The following TAS2R1 variants were observed in gnomAD, a reference collection of about 807,000 sequenced individuals.
TAS2R1 encodes taste 2 receptor member 1.
For missense variants in TAS2R1, 370 were observed against 353.4 expected, an observed-to-expected ratio of 1.05 and a Z score of -0.38; for synonymous variants, 141 against 134.2, an observed-to-expected ratio of 1.05 and a Z score of -0.35.
At chr5:9,705,866 C>T (rs571536815) in intron 1 of TAS2R1, among the ~76,000 whole-genome samples, 8 of 151,894 alleles carry the variant, frequency 5.3e-5, no homozygotes, top group African/African-American at 1.4e-4. Context: ...CCATCCCCCC[C>T]CAAAAAAAGA....
At chr5:9,649,324 A>G (rs1740258188) in intron 2 of TAS2R1, among the ~76,000 whole-genome samples, 1 of 152,234 alleles carries the variant, frequency 6.6e-6, no homozygotes, top group African/African-American at 2.4e-5. Flanking sequence ...GTTATCTGCC[A>G]CTATTTCTTT....
chr5:9,783,826 G>A, the TAS2R1 span, among the ~76,000 whole-genome samples: 23 of 152,204 alleles, frequency 1.5e-4, no homozygotes, highest in Admixed American at 3.3e-4. Flanking sequence ...CTTGTGCACA[G>A]TTAATGGGTT....
At chr5:9,629,294 GA>G, downstream of TAS2R1, 1 of 1,613,560 alleles carries the variant, frequency 6.2e-7, no homozygotes, top group Non-Finnish European at 8.5e-7. Flanking sequence ...AGAGAAGAGA[GA>G]AAAACTTTTA....
chr5:9,799,893 A>G, the TAS2R1 span, among the ~76,000 whole-genome samples: 6 of 152,226 alleles, frequency 3.9e-5, no homozygotes, highest in African/African-American at 1.4e-4. Flanking sequence ...ATTTCAGTGG[A>G]AACGTTTTTC....
At chr5:9,672,307 C>G (rs554747991) in intron 1 of TAS2R1, among the ~76,000 whole-genome samples, 4 of 151,712 alleles carry the variant, frequency 2.6e-5, no homozygotes, top group Admixed American at 1.3e-4. Context: ...TAATTAAGAG[C>G]TTCCGCATAC....
At chr5:9,645,937 CTGAAGTGGGCT>C in intron 2 of TAS2R1, among the ~76,000 whole-genome samples, 1 of 152,274 alleles carries the variant, frequency 6.6e-6, no homozygotes, top group Middle Eastern at 3.4e-3. Flanking sequence ...TCAGTTGTTA[CTGAAGTGGGCT>C]TGAGACGGTT....
intron 1 of TAS2R1, among the ~76,000 whole-genome samples, chr5:9,704,284 G>C (rs746962649): frequency 6.6e-6 from 1 of 151,546 alleles, no homozygotes; most frequent in Non-Finnish European, 1.5e-5. Context: ...CCCTCAAAAA[G>C]TTACACCTCC....
the TAS2R1 span, among the ~76,000 whole-genome samples, chr5:9,772,334 A>AT: frequency 6.6e-6 from 1 of 151,912 alleles, no homozygotes; most frequent in Non-Finnish European, 1.5e-5. Flanking sequence ...CTTGTTATTG[A>AT]TTTGTAGCAT....
chr5:9,656,694 GT>G, intron 2 of TAS2R1, among the ~76,000 whole-genome samples: 1 of 152,178 alleles, frequency 6.6e-6, no homozygotes, highest in Admixed American at 6.5e-5. Context: ...CAGAAATAAT[GT>G]GTAACCAAAT....
chr5:9,746,577 T>C, the TAS2R1 span, among the ~76,000 whole-genome samples: 1 of 152,208 alleles, frequency 6.6e-6, no homozygotes, highest in South Asian at 2.1e-4. Flanking sequence ...CATGGAATAC[T>C]GTGCAGCCAT....
chr5:9,677,242 A>G (rs755155864), intron 1 of TAS2R1, among the ~76,000 whole-genome samples: 23 of 152,094 alleles, frequency 1.5e-4, no homozygotes, highest in Non-Finnish European at 2.8e-4. Context: ...ACAACACACA[A>G]TAACACCTAT....
At chr5:9,870,601 A>C in the TAS2R1 span, among the ~76,000 whole-genome samples, 1 of 152,234 alleles carries the variant, frequency 6.6e-6, no homozygotes, top group South Asian at 2.1e-4. Flanking sequence ...ACATGGACCC[A>C]CTCTTCAAAG....
chr5:9,684,729 A>G (rs1741092049), intron 1 of TAS2R1, among the ~76,000 whole-genome samples: 1 of 152,182 alleles, frequency 6.6e-6, no homozygotes, highest in Non-Finnish European at 1.5e-5. Flanking sequence ...AATATTTCCC[A>G]CATAAATGAT....
the TAS2R1 span, among the ~76,000 whole-genome samples, chr5:9,774,605 T>A: frequency 6.6e-6 from 1 of 152,242 alleles, no homozygotes; most frequent in Non-Finnish European, 1.5e-5. Context: ...CACTTGGGTG[T>A]TATGATCTAA....
the TAS2R1 span, among the ~76,000 whole-genome samples, chr5:9,883,616 C>G: frequency 6.6e-6 from 1 of 152,004 alleles, no homozygotes; most frequent in Non-Finnish European, 1.5e-5. Flanking sequence ...TTGATTTTAT[C>G]AGTTAGCTAT....
At chr5:9,634,261 C>A (rs1327871177), upstream of TAS2R1, among the ~76,000 whole-genome samples, 2 of 151,946 alleles carry the variant, frequency 1.3e-5, no homozygotes, top group Non-Finnish European at 2.9e-5. Flanking sequence ...AAGTATTTGG[C>A]TTTATTTCTG....
chr5:9,672,507 C>T (rs958107414), intron 1 of TAS2R1, among the ~76,000 whole-genome samples: 1 of 152,032 alleles, frequency 6.6e-6, no homozygotes, highest in African/African-American at 2.4e-5. Context: ...AAGACATACA[C>T]ACAATCAACA....
chr5:9,701,221 GACACACACACACACAC>G (rs34248017), intron 1 of TAS2R1, among the ~76,000 whole-genome samples: 6,377 of 135,934 alleles, frequency 0.047, 156 homozygotes, highest in African/African-American at 0.063. Context: ...CAGACACGCA[GACACACACACACACAC>G]ACACACACAC....
intron 1 of TAS2R1, among the ~76,000 whole-genome samples, chr5:9,676,296 A>G (rs1255931648): frequency 2.6e-5 from 4 of 152,180 alleles, no homozygotes; most frequent in African/African-American, 9.6e-5. Context: ...AATGCCAAAG[A>G]CAGAATATCC....
Sources: gnomAD v4.1 joint callset for allele counts (sites outside exome capture counted in the v4.1 genomes callset) on GRCh38, gnomAD v4.1.1 for gene constraint, MANE v1.5 for transcripts, NCBI Gene and HGNC (gene_info 2026-07-23, HGNC 2026-07-21) for gene names.